The following TFDP2 variants were observed in gnomAD, a reference collection of about 807,000 sequenced individuals.
TFDP2 encodes transcription factor Dp-2.
A neutral mutation model predicts 59.3 loss-of-function variants in TFDP2; 17 were observed. The observed-to-expected ratio is 0.29, with a 90% confidence interval of 0.20 to 0.43. The LOEUF (loss-of-function observed/expected upper bound fraction) is 0.43. Among genes scored for constraint, TFDP2 ranks in the 20% least tolerant of loss-of-function variants. The probability of loss-of-function intolerance (pLI) is 1.00; values close to 1 mark genes in which losing one functional copy is unlikely to be tolerated. For synonymous variants in TFDP2, 180 were observed against 194.7 expected (o/e 0.92, Z 0.63); for missense variants, 391 against 528.8 (o/e 0.74, Z 2.56).
chr3:142,058,568 T>C lies in TFDP2; in HGVS notation c.82+34493A>G, dbSNP rs537567475. 2.0e-5 allele frequency among the ~76,000 whole-genome samples: 3 copies of C among 152,272 alleles called. No individual in the cohort carries two copies. In the South Asian group the frequency reaches 6.2e-4, roughly 32 times the overall value. On this transcript the variant is annotated intron_variant, in intron 3 of 12. Coordinates refer to ENST00000489671, the MANE Select transcript of TFDP2 (RefSeq NM_001178139.2). ...TCCCATGACCCCGCCTCAGATTTAA[T>C]AATTTGCTAGAATGACACAGAACTC...
At chr3:142,111,427 CAAAA>C (rs80110477) in intron 1 of TFDP2, among the ~76,000 whole-genome samples, 2 of 60,184 alleles carry the variant, frequency 3.3e-5, no homozygotes, top group Non-Finnish European at 3.4e-5. Context: ...GACTCTGTCT[CAAAA>C]AAAAAAAAAA....
chr3:142,094,789 A>G (rs1251294975), intron 2 of TFDP2, among the ~76,000 whole-genome samples: 1 of 152,160 alleles, frequency 6.6e-6, no homozygotes, highest in East Asian at 1.9e-4. Flanking sequence ...TATAGCTATT[A>G]TTGTGTATAT....
intron 3 of TFDP2, among the ~76,000 whole-genome samples, chr3:142,025,789 T>C (rs1184995326): frequency 2.0e-5 from 3 of 152,190 alleles, no homozygotes; most frequent in Non-Finnish European, 2.9e-5. Flanking sequence ...TGAATCTTAA[T>C]TGAAATAATG....
intron 3 of TFDP2, among the ~76,000 whole-genome samples, chr3:142,033,089 G>C (rs1325045690): frequency 6.6e-6 from 1 of 152,126 alleles, no homozygotes; most frequent in East Asian, 1.9e-4. Flanking sequence ...CAGCTACTTG[G>C]GAGCCTGAGG....
chr3:142,018,927 G>A (rs1945358588), intron 3 of TFDP2, among the ~76,000 whole-genome samples: 1 of 39,558 alleles, frequency 2.5e-5, no homozygotes, highest in Non-Finnish European at 4.6e-5. Context: ...GGTTTTTGGT[G>A]AGTTTTTTTT....
At chr3:142,105,985 T>A (rs754943731) in intron 1 of TFDP2, among the ~76,000 whole-genome samples, 8 of 152,172 alleles carry the variant, frequency 5.3e-5, no homozygotes, top group Non-Finnish European at 8.8e-5. Context: ...AATCTGTTCA[T>A]TGATTTCTCA....
intron 3 of TFDP2, among the ~76,000 whole-genome samples, chr3:142,015,466 C>A (rs1945058796): frequency 6.6e-6 from 1 of 152,198 alleles, no homozygotes; most frequent in Admixed American, 6.5e-5. Flanking sequence ...TTCAACTGCT[C>A]AGACTGAAAA....
Position 142,141,934 on chromosome 3 carries a change from G to C in TFDP2, c.-93+7249C>G, listed in dbSNP as rs181824223. ...TAAGATACTCAAAAAACTGGGGATA[G>C]AAGGAACACACCCCAACATAATAAA... On this transcript the variant is annotated intron_variant, in intron 1 of 12. Coordinates refer to ENST00000489671, the MANE Select transcript of TFDP2 (RefSeq NM_001178139.2). Among the ~76,000 whole-genome samples, 239 of 152,214 alleles carry C rather than the reference G, an allele frequency of 1.6e-3. 1 individual carries two copies. The highest frequency in any genetic ancestry group is 3.2e-3 in the Admixed American group (49 of 15,280).
At chr3:142,048,867 G>A (rs557363656) in intron 3 of TFDP2, among the ~76,000 whole-genome samples, 30 of 152,222 alleles carry the variant, frequency 2.0e-4, no homozygotes, top group African/African-American at 5.8e-4. Flanking sequence ...TGCCCAGCCC[G>A]AAAGACGTAA....
chr3:142,120,769 G>C (rs1450721227), intron 1 of TFDP2, among the ~76,000 whole-genome samples: 1 of 152,138 alleles, frequency 6.6e-6, no homozygotes. Context: ...TAGTACACTT[G>C]AAGGGGTTTC....
chr3:141,976,270 CAT>C (rs1266957873), intron 7 of TFDP2, among the ~76,000 whole-genome samples: 8 of 152,090 alleles, frequency 5.3e-5, no homozygotes, highest in African/African-American at 1.4e-4. Flanking sequence ...CAGAAAAAAA[CAT>C]ATGTTTTTCT....
At chr3:141,963,742 T>G in intron 10 of TFDP2, 70 bp downstream of exon 10, 1 of 1,518,688 alleles carries the variant, frequency 6.6e-7, no homozygotes, top group Non-Finnish European at 8.9e-7. Context: ...GCATCCTTCT[T>G]GAGTTTGCAA....
At chr3:142,021,153 T>A (rs1374748865) in intron 3 of TFDP2, among the ~76,000 whole-genome samples, 9 of 152,206 alleles carry the variant, frequency 5.9e-5, no homozygotes, top group Non-Finnish European at 2.9e-5. Context: ...ACTTTTTAAC[T>A]GAATGACCTC....
chr3:142,096,457 C>A (rs1377038678), intron 2 of TFDP2, among the ~76,000 whole-genome samples: 1 of 152,116 alleles, frequency 6.6e-6, no homozygotes, highest in African/African-American at 2.4e-5. Context: ...ATGTTAAATT[C>A]TTTGCCTAAT....
intron 5 of TFDP2, chr3:141,994,776 T>C (rs890363159): frequency 1.2e-5 from 4 of 323,786 alleles, no homozygotes; most frequent in African/African-American, 8.5e-5. Flanking sequence ...GTAGTCCTAT[T>C]CCAGAGTTTA....
At chr3:142,143,714 CCA>C (rs1391620278) in intron 1 of TFDP2, among the ~76,000 whole-genome samples, 1 of 152,106 alleles carries the variant, frequency 6.6e-6, no homozygotes, top group Non-Finnish European at 1.5e-5. Context: ...TCATTTCACC[CCA>C]GTTAAAATGG....
intron 1 of TFDP2, among the ~76,000 whole-genome samples, chr3:142,143,319 A>T (rs1452141695): frequency 6.6e-6 from 1 of 152,184 alleles, no homozygotes; most frequent in Non-Finnish European, 1.5e-5. Flanking sequence ...ATATTGGGGA[A>T]AATCTCCAGG....
intron 2 of TFDP2, among the ~76,000 whole-genome samples, chr3:142,100,724 A>G (rs746466680): frequency 1.3e-5 from 2 of 151,126 alleles, no homozygotes; most frequent in African/African-American, 4.9e-5. Context: ...GTCCCCTAAC[A>G]TATAGATGGA....
At chr3:142,038,151 G>A (rs535526220) in intron 3 of TFDP2, among the ~76,000 whole-genome samples, 23 of 152,258 alleles carry the variant, frequency 1.5e-4, no homozygotes, top group Admixed American at 6.5e-4. Flanking sequence ...CTGGGAGGCC[G>A]AAGCAGGTGG....
Sources: allele counts gnomAD v4.1 joint callset (sites outside exome capture counted in the v4.1 genomes callset), GRCh38; gene constraint gnomAD v4.1.1; transcripts MANE v1.5; gene names NCBI Gene and HGNC (gene_info 2026-07-23, HGNC 2026-07-21).